LUZP2: variants seen among roughly 807,000 people sequenced by gnomAD.
The protein encoded by LUZP2 is leucine zipper protein 2.
In LUZP2, 52 loss-of-function variants were observed where a neutral mutation model predicts 51.6. The observed-to-expected ratio is 1.01, with a 90% CI of 0.81 to 1.27. LUZP2 has a LOEUF of 1.27. Among genes scored for constraint, LUZP2 ranks in the 50% most tolerant of loss-of-function variants. The pLI is 0.00. For missense variants in LUZP2, 436 were observed against 395.4 expected, an observed-to-expected ratio of 1.10 and a Z score of -0.87; for synonymous variants, 154 against 137.3, an observed-to-expected ratio of 1.12 and a Z score of -0.85.
chr11:24,918,016 A>G (rs1300368851), intron 7 of LUZP2, among the ~76,000 whole-genome samples: 1 of 151,962 alleles, frequency 6.6e-6, no homozygotes, highest in Non-Finnish European at 1.5e-5. Context: ...TTCGTTGAGC[A>G]GTGGTTTGTA....
At chr11:24,644,935 G>A (rs371910647) in intron 1 of LUZP2, among the ~76,000 whole-genome samples, 4 of 152,124 alleles carry the variant, frequency 2.6e-5, no homozygotes, top group South Asian at 2.1e-4. Context: ...AGTACAGCAC[G>A]TATTTATATT....
intron 9 of LUZP2, among the ~76,000 whole-genome samples, chr11:25,009,425 C>G (rs576830364): frequency 3.3e-5 from 5 of 152,072 alleles, no homozygotes; most frequent in Admixed American, 3.3e-4. Flanking sequence ...TCTGAAATAT[C>G]TAATCAATGT....
chr11:24,531,039 TTTATTA>T (rs367681666), intron 1 of LUZP2, among the ~76,000 whole-genome samples: 2 of 144,836 alleles, frequency 1.4e-5, no homozygotes, highest in Non-Finnish European at 3.0e-5. Context: ...TTTAGCCTCT[TTTATTA>T]TTATTATTAT....
intron 5 of LUZP2, among the ~76,000 whole-genome samples, chr11:24,778,835 A>G (rs1849013536): frequency 6.6e-6 from 1 of 152,196 alleles, no homozygotes; most frequent in Non-Finnish European, 1.5e-5. Flanking sequence ...TGATTTTTTA[A>G]TTTCAGCTTC....
intron 9 of LUZP2, among the ~76,000 whole-genome samples, chr11:25,016,362 T>A (rs538108055): frequency 1.3e-3 from 196 of 152,270 alleles, no homozygotes; most frequent in Non-Finnish European, 2.4e-3. Flanking sequence ...TGCCTTTGTG[T>A]ACTCATAGAT....
chr11:24,566,586 G>A (rs955626366), intron 1 of LUZP2, among the ~76,000 whole-genome samples: 3 of 134,914 alleles, frequency 2.2e-5, no homozygotes, highest in African/African-American at 8.8e-5. Context: ...ACATATATAT[G>A]TATGTGTGTA....
chr11:24,767,026 TC>T (rs1340179322), intron 5 of LUZP2, among the ~76,000 whole-genome samples: 1 of 152,174 alleles, frequency 6.6e-6, no homozygotes, highest in African/African-American at 2.4e-5. Flanking sequence ...CACATCAGCC[TC>T]CTAAAGTGCT....
rs116811047 is a variant in LUZP2 at position 24,928,655 on chromosome 11, A to C, written c.522+14117A>C. 2.0e-5 allele frequency among the ~76,000 whole-genome samples: 3 copies of C among 152,052 alleles called. No homozygotes were observed. The South Asian group carries it at 6.2e-4, about 31-fold the overall frequency. On this transcript the variant is annotated intron_variant, in intron 7 of 11. Coordinates refer to ENST00000336930, the MANE Select transcript of LUZP2 (RefSeq NM_001009909.4). Reference sequence around the variant, plus strand: ...CTAGTATTTTGTTAAGGATTTTTGCATCTGTGTTCATCAAGGATTTTGGTG... The same window carrying C: ...CTAGTATTTTGTTAAGGATTTTTGCCTCTGTGTTCATCAAGGATTTTGGTG...
chr11:24,626,503 T>G lies in LUZP2; in HGVS notation c.63-102666T>G, dbSNP rs149144409. On this transcript the variant is annotated intron_variant, in intron 1 of 11. Transcript: ENST00000336930. ...AGATATTCCATCAATAGTTCCTATT[T>G]CCTTTTCTGCTGGTTGACTTTCATC... Among the ~76,000 whole-genome samples the G allele has an allele frequency of 2.5e-4, 38 of 152,292 alleles. No homozygotes were observed. The East Asian group carries it at 6.6e-3, about 26-fold the overall frequency.
intron 9 of LUZP2, among the ~76,000 whole-genome samples, chr11:25,003,898 G>C (rs1297616995): frequency 6.6e-6 from 1 of 152,186 alleles, no homozygotes; most frequent in African/African-American, 2.4e-5. Flanking sequence ...AGAAAGGCAT[G>C]TGAAAAGAGC....
chr11:25,067,689 G>A (rs987647380), intron 10 of LUZP2, among the ~76,000 whole-genome samples: 8 of 151,286 alleles, frequency 5.3e-5, no homozygotes, highest in African/African-American at 1.2e-4. Flanking sequence ...GGCTGGAGAC[G>A]ATATGGAGAA....
intron 5 of LUZP2, among the ~76,000 whole-genome samples, chr11:24,853,952 G>A (rs1263091574): frequency 6.6e-6 from 1 of 152,170 alleles, no homozygotes; most frequent in East Asian, 1.9e-4. Flanking sequence ...AGTGGAGGCT[G>A]TAGAACAGCA....
rs553661679 is a variant in LUZP2 at position 24,993,952 on chromosome 11, C to T, written c.765+10659C>T. On this transcript the variant is annotated intron_variant, in intron 9 of 11. Coordinates refer to ENST00000336930, the MANE Select transcript of LUZP2 (RefSeq NM_001009909.4). ...CTTGGCTCACTGCAGCCTCCGCCTC[C>T]GGGGTTCAAGTGATTCTCCTGCCTC... Among the ~76,000 whole-genome samples, 17 of 152,204 alleles carry T rather than the reference C, an allele frequency of 1.1e-4. No individual in the cohort carries two copies. The South Asian group carries it at 1.7e-3, about 15-fold the overall frequency.
Position 24,815,906 on chromosome 11 carries a change from C to A in LUZP2, c.396+52598C>A, listed in dbSNP as rs550843954. On this transcript the variant is annotated intron_variant, in intron 5 of 11. Transcript: ENST00000336930. ...AACTGTTTAATCACTGAAGGAAGTG[C>A]AATGGAGCATGTGCTAGGTGGGAAT... 1.3e-4 allele frequency among the ~76,000 whole-genome samples: 19 copies of A among 151,568 alleles called. No individual in the cohort carries two copies. In the South Asian group the frequency reaches 3.6e-3, roughly 28 times the overall value.
chr11:24,855,565 T>C (rs1590644778), intron 5 of LUZP2, among the ~76,000 whole-genome samples: 1 of 152,322 alleles, frequency 6.6e-6, no homozygotes, highest in East Asian at 1.9e-4. Context: ...AATTCAATAA[T>C]ATTTTTATCA....
intron 10 of LUZP2, among the ~76,000 whole-genome samples, chr11:25,070,444 A>G (rs1478314554): frequency 2.0e-5 from 3 of 151,660 alleles, no homozygotes; most frequent in African/African-American, 7.3e-5. Context: ...GATAATCTCC[A>G]TTTCTATTAA....
chr11:24,904,639 C>T (rs1361330498), intron 5 of LUZP2, among the ~76,000 whole-genome samples: 1 of 152,070 alleles, frequency 6.6e-6, no homozygotes, highest in Non-Finnish European at 1.5e-5. Context: ...GATTTGTGTT[C>T]TTGGTTTGTT....
intron 1 of LUZP2, among the ~76,000 whole-genome samples, chr11:24,594,442 C>T (rs1160541974): frequency 1.3e-5 from 2 of 152,094 alleles, no homozygotes; most frequent in Non-Finnish European, 2.9e-5. Context: ...TTTTGTTTCA[C>T]TCTTTTGATG....
chr11:24,541,116 G>A (rs1318928507), intron 1 of LUZP2, among the ~76,000 whole-genome samples: 2 of 151,828 alleles, frequency 1.3e-5, no homozygotes, highest in African/African-American at 4.8e-5. Context: ...AGCCGGGCGT[G>A]GTGGTGGGCG....
Sources: gnomAD v4.1 joint callset for allele counts (sites outside exome capture counted in the v4.1 genomes callset) on GRCh38, gnomAD v4.1.1 for gene constraint, MANE v1.5 for transcripts, NCBI Gene and HGNC (gene_info 2026-07-23, HGNC 2026-07-21) for gene names.